The following WNT5B variants were observed in gnomAD, a reference collection of about 807,000 sequenced individuals.
WNT5B encodes the protein Wnt family member 5B.
A neutral mutation model predicts 36.5 loss-of-function variants in WNT5B; 18 were observed. The observed-to-expected ratio is 0.49, with a 90% CI of 0.34 to 0.73. The LOEUF is 0.73. Ranked by LOEUF, WNT5B falls within the 30% of genes least tolerant of loss-of-function variation. The probability of loss-of-function intolerance (pLI) is 0.01; values close to 1 mark genes in which losing one functional copy is unlikely to be tolerated. For synonymous variants in WNT5B, 213 were observed against 212.3 expected, an observed-to-expected ratio of 1.00 and a Z score of -0.03; for missense variants, 424 against 508.4, an observed-to-expected ratio of 0.83 and a Z score of 1.60.
upstream of WNT5B, among the ~76,000 whole-genome samples, chr12:1,626,267 A>ATT (rs201099839): frequency 2.1e-5 from 3 of 142,548 alleles, no homozygotes; most frequent in African/African-American, 5.2e-5. Context: ...CCACAAGTGT[A>ATT]TTTTTTTTTT....
At chr12:1,626,824 C>T (rs1038036977), upstream of WNT5B, among the ~76,000 whole-genome samples, 2 of 152,038 alleles carry the variant, frequency 1.3e-5, no homozygotes, top group Non-Finnish European at 2.9e-5. Context: ...CTCGGCCTCC[C>T]AAAGTGCTGG....
At chr12:1,629,803 TG>T (rs1318436176) in intron 1 of WNT5B, 3 of 26,918 alleles carry the variant, frequency 1.1e-4, no homozygotes, top group South Asian at 9.3e-4. Flanking sequence ...GGAGGATTTA[TG>T]GGGGGAGAGG....
intron 3 of WNT5B, among the ~76,000 whole-genome samples, chr12:1,637,262 T>C (rs892440113): frequency 6.6e-6 from 1 of 152,228 alleles, no homozygotes; most frequent in Non-Finnish European, 1.5e-5. Flanking sequence ...TTATGAATAA[T>C]GCTGCAAGAA....
At position 1,636,108 on chromosome 12, in the gene WNT5B, A is replaced by G. The variant is rs150070150; in HGVS notation, c.328+3203A>G. On this transcript the variant is annotated intron_variant, in intron 3 of 4. Transcript: ENST00000397196. Reference sequence around the variant, plus strand: ...AGGATTGAATCTGTTTCCTGCTAAGAATCACTCCCTTCTCTCCATATCTAA... The same window carrying G: ...AGGATTGAATCTGTTTCCTGCTAAGGATCACTCCCTTCTCTCCATATCTAA... Among the ~76,000 whole-genome samples the G allele has an allele frequency of 4.2e-3, 641 of 152,288 alleles. 12 individuals carry two copies. The highest frequency in any genetic ancestry group is 0.015 in the African/African-American group (613 of 41,552).
chr12:1,633,886 C>T lies in WNT5B; in HGVS notation c.328+981C>T, dbSNP rs2094555675. Reference sequence around the variant, plus strand: ...CTTCCCCCTCCCACTTATTCCAGACCTCTTTCCCTACCCTCTCTGTCCCAT... The same window carrying T: ...CTTCCCCCTCCCACTTATTCCAGACTTCTTTCCCTACCCTCTCTGTCCCAT... On this transcript the variant is annotated intron_variant, in intron 3 of 4. Coordinates refer to ENST00000397196, the MANE Select transcript of WNT5B (RefSeq NM_032642.3). This position sits in a 1 kb window ranked among gnomAD's most constrained non-coding sequence, Gnocchi z 4.8. Among the ~76,000 whole-genome samples, 1 of 152,092 alleles carries T rather than the reference C, an allele frequency of 6.6e-6. No individual in the cohort carries two copies. Among genetic ancestry groups the T allele is most frequent in the South Asian group, 2.1e-4 (1 of 4,824 alleles).
intron 1 of WNT5B, among the ~76,000 whole-genome samples, chr12:1,622,172 G>C (rs181418204): frequency 9.6e-5 from 14 of 145,932 alleles, no homozygotes; most frequent in Non-Finnish European, 8.9e-5. Context: ...GTGCAGTGGC[G>C]TGATCTCGGC....
In WNT5B at chr12:1,633,246, C is replaced by T. The variant is rs545831428; in HGVS notation, c.328+341C>T. ...AGAGTGGATTAGGAGAGCCGCCCACCGCCACTGCCTTTGTGTCTCAGTGCA... is the reference window on the plus strand; with the variant it reads ...AGAGTGGATTAGGAGAGCCGCCCACTGCCACTGCCTTTGTGTCTCAGTGCA... On this transcript the variant is annotated intron_variant, in intron 3 of 4. Coordinates refer to ENST00000397196, the MANE Select transcript of WNT5B (RefSeq NM_032642.3). The surrounding 1 kb of genome is among the most constrained non-coding windows in gnomAD (Gnocchi z 4.8). Among the ~76,000 whole-genome samples, 6 of 152,210 alleles carry T rather than the reference C, an allele frequency of 3.9e-5. No homozygotes were observed. Among genetic ancestry groups the T allele is most frequent in the East Asian group, 1.9e-4 (1 of 5,186 alleles).
intron 4 of WNT5B, among the ~76,000 whole-genome samples, chr12:1,642,463 G>A (rs77707735): frequency 3.3e-5 from 5 of 152,184 alleles, no homozygotes; most frequent in Non-Finnish European, 5.9e-5. Flanking sequence ...GTAGGTTGGC[G>A]GTAGGTTCCT....
intron 1 of WNT5B, among the ~76,000 whole-genome samples, chr12:1,617,908 G>A (rs1261653704): frequency 1.3e-5 from 2 of 152,172 alleles, no homozygotes; most frequent in African/African-American, 2.4e-5. Context: ...GGAAGCCTAG[G>A]AGGGAGGATT....
rs2154439953 is a variant in WNT5B, at chr12:1,646,254, C to T, written c.*2C>T. On this transcript the variant is annotated 3_prime_UTR_variant, in exon 5 of 5. Coordinates refer to ENST00000397196, the MANE Select transcript of WNT5B (RefSeq NM_032642.3). ...GTGGACCAGTACATCTGTAAATAGC[C>T]CGGAGGGCCTGCTCCCGGCCCCCCT... The T allele has an allele frequency of 1.2e-6, 2 of 1,604,326 alleles. No homozygotes were observed. Among genetic ancestry groups the T allele is most frequent in the African/African-American group, 2.7e-5 (2 of 74,904 alleles).
Position 1,639,877 on chromosome 12 carries a change from G to A in WNT5B, c.522G>A (p.Glu174=). Residue 174 remains glutamate (E), a synonymous_variant, in exon 4 of 5, where the codon GAG becomes GAA. Coordinates refer to ENST00000397196, the MANE Select transcript of WNT5B (RefSeq NM_032642.3). ...NVEYGYRFAK[E]FVDAREREKN... ...AGTACGGCTACCGCTTCGCCAAGGA[G>A]TTTGTGGATGCCCGGGAGCGAGAGA... The A allele has an allele frequency of 6.2e-7, 1 of 1,614,100 alleles. No individual in the cohort carries two copies. Among genetic ancestry groups the A allele is most frequent in the Non-Finnish European group, 8.5e-7 (1 of 1,179,976 alleles).
At chr12:1,641,823 G>GA (rs1012342850) in intron 4 of WNT5B, among the ~76,000 whole-genome samples, 6 of 151,854 alleles carry the variant, frequency 4.0e-5, no homozygotes, top group East Asian at 3.9e-4. Flanking sequence ...AAAAAGAAAA[G>GA]AAAAAAAATG....
intron 1 of WNT5B, among the ~76,000 whole-genome samples, chr12:1,623,270 A>G (rs2094536712): frequency 7.7e-6 from 1 of 129,232 alleles, no homozygotes; most frequent in South Asian, 2.4e-4. Context: ...GTCTCGGCTC[A>G]CTACAAGCTC....
chr12:1,619,716 G>A, intron 1 of WNT5B, among the ~76,000 whole-genome samples: 1 of 152,128 alleles, frequency 6.6e-6, no homozygotes, highest in Non-Finnish European at 1.5e-5. Context: ...AGCAAGAGAG[G>A]AAGCGAAATG....
intron 1 of WNT5B, among the ~76,000 whole-genome samples, chr12:1,620,931 G>T (rs1465316954): frequency 2.9e-4 from 2 of 6,818 alleles, no homozygotes; most frequent in African/African-American, 1.1e-3. Context: ...TTGATCTCTT[G>T]ACCTCGTAAT....
In WNT5B at chr12:1,644,640, A is replaced by G. The variant is rs1054438432; in HGVS notation, c.622-1154A>G. ...AATGAGTCCTGACTCAGTTGGTGACAATAGCCATGCATAAGAAAATGCTCT... is the reference window on the plus strand; with the variant it reads ...AATGAGTCCTGACTCAGTTGGTGACGATAGCCATGCATAAGAAAATGCTCT... On this transcript the variant is annotated intron_variant, in intron 4 of 4. Transcript: ENST00000397196. The surrounding 1 kb of genome is among the most constrained non-coding windows in gnomAD (Gnocchi z 5.1). Among the ~76,000 whole-genome samples the G allele has an allele frequency of 6.6e-6, 1 of 152,196 alleles. No individual in the cohort carries two copies. Among genetic ancestry groups the G allele is most frequent in the African/African-American group, 2.4e-5 (1 of 41,442 alleles).
chr12:1,634,776 C>T lies in WNT5B; in HGVS notation c.328+1871C>T, dbSNP rs74735882. 6.2e-3 allele frequency among the ~76,000 whole-genome samples: 950 copies of T among 152,234 alleles called. 10 individuals carry two copies. The highest frequency in any genetic ancestry group is 0.022 in the African/African-American group (903 of 41,544). ...TCTCCTTTGAAGCTGCTGCAAAAGT[C>T]GGTCACCAGAGGGCGGCAGAGCAGC... is the stretch of plus-strand genomic sequence containing the variant. On this transcript the variant is annotated intron_variant, in intron 3 of 4. Transcript: ENST00000397196.
At chr12:1,625,927 C>G (rs898973314), upstream of WNT5B, among the ~76,000 whole-genome samples, 1 of 150,896 alleles carries the variant, frequency 6.6e-6, no homozygotes, top group African/African-American at 2.4e-5. Flanking sequence ...CCTCCCGAAG[C>G]GCTAGGATTA....
At chr12:1,628,058 C>T (rs1046956282), upstream of WNT5B, among the ~76,000 whole-genome samples, 1 of 152,158 alleles carries the variant, frequency 6.6e-6, no homozygotes, top group Non-Finnish European at 1.5e-5. Context: ...GTCTGACCAG[C>T]TCATTCTGGC....
Sources: gnomAD v4.1 joint callset for allele counts (sites outside exome capture counted in the v4.1 genomes callset) on GRCh38, gnomAD v4.1.1 for gene constraint, Gnocchi (gnomAD v3.1) non-coding constraint, MANE v1.5 for transcripts, NCBI Gene and HGNC (gene_info 2026-07-23, HGNC 2026-07-21) for gene names.